CDKAL1: variants seen among roughly 807,000 people sequenced by gnomAD.
CDKAL1 encodes threonylcarbamoyladenosine tRNA methylthiotransferase.
Under a neutral mutation model 68.2 loss-of-function variants are expected in CDKAL1, and 32 were observed. That is an observed-to-expected ratio of 0.47 (90% confidence interval 0.35 to 0.63). The LOEUF (loss-of-function observed/expected upper bound fraction) is 0.63. Among genes scored for constraint, CDKAL1 ranks in the 30% least tolerant of loss-of-function variants. The pLI is 0.00. For synonymous variants in CDKAL1, 234 were observed against 244.3 expected (o/e 0.96, Z 0.39); for missense variants, 606 against 696.7 (o/e 0.87, Z 1.47).
At chr6:21,126,370 T>C (rs747211571) in intron 13 of CDKAL1, among the ~76,000 whole-genome samples, 7 of 152,304 alleles carry the variant, frequency 4.6e-5, no homozygotes, top group African/African-American at 7.2e-5. Context: ...CTTTAAGATA[T>C]ACTGTGCTTG....
chr6:20,985,800 C>T (rs544874231), intron 10 of CDKAL1, among the ~76,000 whole-genome samples: 1 of 150,078 alleles, frequency 6.7e-6, no homozygotes, highest in African/African-American at 2.5e-5. Context: ...GAGACCCTGC[C>T]TCAAAAAAAA....
chr6:20,886,332 T>C (rs1761065657), intron 9 of CDKAL1, among the ~76,000 whole-genome samples: 1 of 152,174 alleles, frequency 6.6e-6, no homozygotes, highest in Non-Finnish European at 1.5e-5. Flanking sequence ...AATGTGACTG[T>C]TTCTTAAAAA....
chr6:21,195,502 T>TTTATTTA (rs1187146227), intron 13 of CDKAL1, among the ~76,000 whole-genome samples: 2 of 145,466 alleles, frequency 1.4e-5, no homozygotes, highest in African/African-American at 5.1e-5. Context: ...TATTTATTTA[T>TTTATTTA]TTATTTATTT....
chr6:21,038,514 A>G (rs928553927), intron 11 of CDKAL1, among the ~76,000 whole-genome samples: 1 of 152,208 alleles, frequency 6.6e-6, no homozygotes, highest in Admixed American at 6.5e-5. Context: ...GTATTCAGAG[A>G]TCTCTTTTTT....
intron 11 of CDKAL1, among the ~76,000 whole-genome samples, chr6:21,029,510 A>C (rs184045002): frequency 6.6e-6 from 1 of 152,230 alleles, no homozygotes; most frequent in Non-Finnish European, 1.5e-5. Context: ...GAACTTCTGC[A>C]CAGCAAAAGA....
chr6:20,941,043 C>T (rs141370651), intron 9 of CDKAL1, among the ~76,000 whole-genome samples: 339 of 151,454 alleles, frequency 2.2e-3, no homozygotes, highest in African/African-American at 7.8e-3. Flanking sequence ...GCCAAGAATG[C>T]GCCACTGCAC....
At chr6:20,901,801 G>C (rs566655411) in intron 9 of CDKAL1, among the ~76,000 whole-genome samples, 1 of 151,340 alleles carries the variant, frequency 6.6e-6, no homozygotes, top group South Asian at 2.1e-4. Context: ...TTCTGAGACA[G>C]AGTCTCTCTC....
rs77597186 is a variant in CDKAL1, at chr6:20,624,211, G to A, written c.287-25082G>A. ...CTACAAGGATGAGGAAGTATAAACA[G>A]AGATAGGTAGTCAGTTCTTGGTAGA... On this transcript the variant is annotated intron_variant, in intron 4 of 15. Coordinates refer to ENST00000274695, the MANE Select transcript of CDKAL1 (RefSeq NM_017774.3). Among the ~76,000 whole-genome samples, 225 of 152,102 alleles carry A rather than the reference G, an allele frequency of 1.5e-3. 1 individual carries two copies. Among genetic ancestry groups the A allele is most frequent in the African/African-American group, 5.0e-3 (208 of 41,542 alleles).
chr6:20,608,472 G>A (rs1561962131), intron 4 of CDKAL1, among the ~76,000 whole-genome samples: 1 of 152,178 alleles, frequency 6.6e-6, no homozygotes, highest in African/African-American at 2.4e-5. Context: ...AAAACCCAGT[G>A]TTATATCCTT....
chr6:21,068,159 T>C (rs1277881566), intron 12 of CDKAL1, among the ~76,000 whole-genome samples: 1 of 152,218 alleles, frequency 6.6e-6, no homozygotes, highest in East Asian at 1.9e-4. Flanking sequence ...TCTTCCATTC[T>C]GTAACCTACC....
At chr6:21,050,863 C>T (rs1770503786) in intron 11 of CDKAL1, among the ~76,000 whole-genome samples, 1 of 152,156 alleles carries the variant, frequency 6.6e-6, no homozygotes, top group Admixed American at 6.5e-5. Flanking sequence ...CTGCCTGTCA[C>T]TATCAATATT....
At chr6:21,088,140 T>G (rs1030384329) in intron 12 of CDKAL1, among the ~76,000 whole-genome samples, 4 of 152,190 alleles carry the variant, frequency 2.6e-5, no homozygotes, top group African/African-American at 9.7e-5. Context: ...CCCTTGTCCC[T>G]ATCAATGGGA....
At chr6:21,212,850 A>G (rs1282721169) in intron 15 of CDKAL1, among the ~76,000 whole-genome samples, 1 of 152,166 alleles carries the variant, frequency 6.6e-6, no homozygotes, top group African/African-American at 2.4e-5. Context: ...AAAATTATTG[A>G]GAAACAGAAA....
At chr6:21,198,760 C>T (rs1277099558) in intron 14 of CDKAL1, among the ~76,000 whole-genome samples, 4 of 152,200 alleles carry the variant, frequency 2.6e-5, no homozygotes, top group Non-Finnish European at 2.9e-5. Flanking sequence ...AGCCCTCCTT[C>T]CCTGGCCATC....
chr6:20,977,987 A>G (rs79907130), intron 10 of CDKAL1, among the ~76,000 whole-genome samples: 2,017 of 152,336 alleles, frequency 0.013, 45 homozygotes, highest in African/African-American at 0.044. Flanking sequence ...CTTAAGAGAA[A>G]ATAAGCAATT....
intron 9 of CDKAL1, among the ~76,000 whole-genome samples, chr6:20,944,387 C>T (rs1382117259): frequency 6.6e-6 from 1 of 152,168 alleles, no homozygotes; most frequent in Non-Finnish European, 1.5e-5. Flanking sequence ...CTCACTCTGT[C>T]GCCCAGCTGG....
Position 21,053,431 on chromosome 6 carries a change from C to T in CDKAL1, c.1056-11617C>T, listed in dbSNP as rs186749653. 9.2e-5 allele frequency among the ~76,000 whole-genome samples: 14 copies of T among 152,228 alleles called. No homozygotes were observed. The East Asian group carries it at 2.3e-3, about 25-fold the overall frequency. On this transcript the variant is annotated intron_variant, in intron 11 of 15. Transcript: ENST00000274695. Reference sequence around the variant, plus strand: ...TTATGAAGATTGCTACTGTGAAAATCCAAGTACAGGTCTTCGTGTGAGCTT... The same window carrying T: ...TTATGAAGATTGCTACTGTGAAAATTCAAGTACAGGTCTTCGTGTGAGCTT...
At chr6:20,738,930 A>G (rs1049398788) in intron 5 of CDKAL1, among the ~76,000 whole-genome samples, 16 of 152,202 alleles carry the variant, frequency 1.1e-4, no homozygotes, top group Admixed American at 9.2e-4. Flanking sequence ...TTGTTTTCCC[A>G]TATATGCTTG....
chr6:20,860,799 G>GCACTCT (rs1759575681), intron 9 of CDKAL1, among the ~76,000 whole-genome samples: 1 of 151,816 alleles, frequency 6.6e-6, no homozygotes, highest in African/African-American at 2.4e-5. Context: ...ACTCCAGCCT[G>GCACTCT]GCAACAGAGC....
Sources: gnomAD v4.1 joint callset for allele counts (sites outside exome capture counted in the v4.1 genomes callset) on GRCh38, gnomAD v4.1.1 for gene constraint, MANE v1.5 for transcripts, NCBI Gene and HGNC (gene_info 2026-07-23, HGNC 2026-07-21) for gene names.